Variants in PLAGL1 observed in about 807,000 individuals in gnomAD.
The protein encoded by PLAGL1 is PLAG1 like zinc finger 1, also known as zinc finger protein PLAGL1.
PLAGL1 carries 1 observed loss-of-function variant against 4.6 expected under a neutral mutation model. The observed-to-expected ratio is 0.22, with a 90% CI of 0.08 to 1.03. PLAGL1 has a LOEUF of 1.03. Among genes scored for constraint, PLAGL1 ranks in the 50% least tolerant of loss-of-function variants. The pLI is 0.58. For missense variants in PLAGL1, 464 were observed against 570.4 expected, an observed-to-expected ratio of 0.81 and a Z score of 1.90; for synonymous variants, 240 against 237.8, an observed-to-expected ratio of 1.01 and a Z score of -0.08.
At position 144,005,383 on chromosome 6, in the gene PLAGL1, A is replaced by T. The variant is rs1283126310; in HGVS notation, c.-584+2707T>A. The stretch of plus-strand genomic sequence containing the variant: ...AAATGACAAATAAACCAGGATTAAC[A>T]GCCTGGAAATAAGCCCAAACATATC... On this transcript the variant is annotated intron_variant, in intron 1 of 7. Coordinates refer to ENST00000674357, the MANE Select transcript of PLAGL1 (RefSeq NM_001317162.2). The surrounding 1 kb of genome is among the most constrained non-coding windows in gnomAD (Gnocchi z 4.6). The T allele has an allele frequency of 6.6e-6, 1 of 152,226 alleles. No homozygotes were observed. Among genetic ancestry groups the T allele is most frequent in the Admixed American group, 6.5e-5 (1 of 15,288 alleles). The allele number at this position is 152,226 out of a possible 1,614,324, so 9.4% of individuals were successfully genotyped here. A position where few individuals can be genotyped will look rare whatever the true frequency, so the allele number is the denominator to read the frequency against.
Position 144,055,754 on chromosome 6 carries a change from G to A in PLAGL1, c.-151+8714C>T, listed in dbSNP as rs1363346445. On this transcript the variant is annotated intron_variant, in intron 1 of 3. Transcript: ENST00000437412. This position sits in a 1 kb window ranked among gnomAD's most constrained non-coding sequence, Gnocchi z 5.0. The stretch of plus-strand genomic sequence containing the variant: ...CATAACTACAGGTGCCTTTAGGAAA[G>A]TGAAAGCTACATTTACATTATTAAC... Among the ~76,000 whole-genome samples, 2 of 152,190 alleles carry A rather than the reference G, an allele frequency of 1.3e-5. No individual in the cohort carries two copies. The highest frequency in any genetic ancestry group is 1.9e-4 in the East Asian group (1 of 5,196).
In PLAGL1 at chr6:143,984,519, G is replaced by A. The variant is rs1788611095; in HGVS notation, c.-544+616C>T. On this transcript the variant is annotated intron_variant, in intron 2 of 7. Coordinates refer to ENST00000674357, the MANE Select transcript of PLAGL1 (RefSeq NM_001317162.2). The surrounding 1 kb of genome is among the most constrained non-coding windows in gnomAD (Gnocchi z 5.5). ...CAAGGTAGGTACTATCGGGAAGACT[G>A]TATTAGAGGTGCGTGTCTTCTTGGT... Among the ~76,000 whole-genome samples the A allele has an allele frequency of 2.0e-5, 3 of 152,040 alleles. No homozygotes were observed. The highest frequency in any genetic ancestry group is 7.2e-5 in the African/African-American group (3 of 41,398).
rs1410272012 is a variant in PLAGL1, at chr6:144,022,900, T to C, written c.-151+41568A>G. Among the ~76,000 whole-genome samples, 1 of 152,236 alleles carries C rather than the reference T, an allele frequency of 6.6e-6. No individual in the cohort carries two copies. Among genetic ancestry groups the C allele is most frequent in the African/African-American group, 2.4e-5 (1 of 41,472 alleles). ...ATCACACTCCTTGGTATTTACCCAA[T>C]TGATTTGAAAACATATCCATACAAA... is the stretch of plus-strand genomic sequence containing the variant. On this transcript the variant is annotated intron_variant, in intron 1 of 3. Coordinates refer to the PLAGL1 transcript ENST00000437412. This position sits in a 1 kb window ranked among gnomAD's most constrained non-coding sequence, Gnocchi z 4.2.
intron 1 of PLAGL1, among the ~76,000 whole-genome samples, chr6:144,054,499 C>T (rs1011670312): frequency 6.6e-6 from 1 of 152,116 alleles, no homozygotes; most frequent in Non-Finnish European, 1.5e-5. Context: ...AACACAGGAG[C>T]AGAAAACCAA....
rs990943802 is a variant in PLAGL1, at chr6:143,961,854, G to C, written c.-398-1312C>G. ...CAATACCAATTTATGTATTCAAAGA[G>C]GCAGGGGTTCTTCTGCTTCCCAGGA... On this transcript the variant is annotated intron_variant, in intron 5 of 7. Transcript: ENST00000674357. This position sits in a 1 kb window ranked among gnomAD's most constrained non-coding sequence, Gnocchi z 6.5. 6.6e-6 allele frequency among the ~76,000 whole-genome samples: 1 copy of C among 152,196 alleles called. No individual in the cohort carries two copies. Among genetic ancestry groups the C allele is most frequent in the Non-Finnish European group, 1.5e-5 (1 of 68,042 alleles).
intron 1 of PLAGL1, among the ~76,000 whole-genome samples, chr6:144,037,951 G>A (rs1446666794): frequency 1.3e-5 from 2 of 152,032 alleles, no homozygotes; most frequent in Non-Finnish European, 2.9e-5. Context: ...GCCAATAAAT[G>A]GTAATACTAA....
chr6:144,029,642 T>C (rs946879672), intron 1 of PLAGL1, among the ~76,000 whole-genome samples: 1 of 152,210 alleles, frequency 6.6e-6, no homozygotes, highest in Non-Finnish European at 1.5e-5. Context: ...TAACACATAC[T>C]ATGCTGTCAA....
At position 144,045,517 on chromosome 6, in the gene PLAGL1, C is replaced by A. The variant is rs542830299; in HGVS notation, c.-151+18951G>T. Reference sequence around the variant, plus strand: ...CTTTGAGAATGTTGAATATTGGCCCCTGCTCTCTTCTGGCTTGTAGAGTTT... The same window carrying A: ...CTTTGAGAATGTTGAATATTGGCCCATGCTCTCTTCTGGCTTGTAGAGTTT... On this transcript the variant is annotated intron_variant, in intron 1 of 3. Coordinates refer to the PLAGL1 transcript ENST00000437412. Among the ~76,000 whole-genome samples the A allele has an allele frequency of 7.9e-4, 120 of 152,314 alleles. 2 individuals carry two copies. The highest frequency in any genetic ancestry group is 2.3e-3 in the East Asian group (12 of 5,192).
intron 1 of PLAGL1, among the ~76,000 whole-genome samples, chr6:143,998,610 C>G (rs1371671313): frequency 6.6e-6 from 1 of 152,066 alleles, no homozygotes; most frequent in Non-Finnish European, 1.5e-5. Flanking sequence ...ATCTAAGAAC[C>G]TGACCATCTG....
intron 1 of PLAGL1, chr6:144,007,678 T>C (rs1794560844): frequency 6.6e-6 from 1 of 152,200 alleles, no homozygotes; most frequent in Non-Finnish European, 1.5e-5. Flanking sequence ...AAAATAATCA[T>C]ATTTTCCATA....
chr6:143,967,997 C>CAAAAAAAA (rs60021436), intron 3 of PLAGL1: 10 of 90,018 alleles, frequency 1.1e-4, no homozygotes, highest in East Asian at 3.1e-4. Context: ...GGACATTTTG[C>CAAAAAAAA]AAAAAAAAAA....
At chr6:144,033,414 G>A (rs887123959) in intron 1 of PLAGL1, among the ~76,000 whole-genome samples, 1 of 152,216 alleles carries the variant, frequency 6.6e-6, no homozygotes, top group Admixed American at 6.5e-5. Context: ...ATCTAAAAAT[G>A]TGGAAAGCCT....
chr6:143,992,670 G>A (rs1790722924), intron 1 of PLAGL1, among the ~76,000 whole-genome samples: 1 of 152,218 alleles, frequency 6.6e-6, no homozygotes, highest in Non-Finnish European at 1.5e-5. Flanking sequence ...TTTACTTGTA[G>A]CTCTAGGAGA....
In PLAGL1 at chr6:143,945,384, T is replaced by C. The variant is rs564263154; in HGVS notation, c.152+2601A>G. On this transcript the variant is annotated intron_variant, in intron 7 of 7. Transcript: ENST00000674357. The surrounding 1 kb of genome is among the most constrained non-coding windows in gnomAD (Gnocchi z 4.2). ...CAAATCATCTTTTCTTGCCTGTTAT[T>C]GTCTCTAACTGGTTTCATTATATGC... is the stretch of plus-strand genomic sequence containing the variant. Among the ~76,000 whole-genome samples, 100 of 152,304 alleles carry C rather than the reference T, an allele frequency of 6.6e-4. 1 individual carries two copies. The highest frequency in any genetic ancestry group is 2.4e-3 in the African/African-American group (99 of 41,548).
chr6:143,991,276 A>G (rs1790419152), intron 1 of PLAGL1, among the ~76,000 whole-genome samples: 1 of 152,218 alleles, frequency 6.6e-6, no homozygotes, highest in Non-Finnish European at 1.5e-5. Context: ...ATGCAGACCA[A>G]CTAAGTTCAA....
chr6:143,987,431 C>T (rs972731122), intron 1 of PLAGL1, among the ~76,000 whole-genome samples: 1 of 108,114 alleles, frequency 9.2e-6, no homozygotes, highest in South Asian at 3.5e-4. Flanking sequence ...TGTGCCACCA[C>T]ACTGGCTTTT....
At chr6:144,041,076 G>A (rs1425681263) in intron 1 of PLAGL1, among the ~76,000 whole-genome samples, 3 of 152,066 alleles carry the variant, frequency 2.0e-5, no homozygotes, top group Admixed American at 1.3e-4. Flanking sequence ...TATGAGCTGA[G>A]GGGTGAAGAC....
At chr6:144,028,881 TTTAAA>T (rs1294495680) in intron 1 of PLAGL1, among the ~76,000 whole-genome samples, 6 of 152,200 alleles carry the variant, frequency 3.9e-5, no homozygotes, top group African/African-American at 1.4e-4. Flanking sequence ...ATAGAAACAT[TTTAAA>T]TAAAATAATA....
intron 1 of PLAGL1, among the ~76,000 whole-genome samples, chr6:144,020,798 A>G (rs1014004313): frequency 2.7e-5 from 4 of 146,456 alleles, no homozygotes; most frequent in Non-Finnish European, 4.5e-5. Flanking sequence ...AAACAAACAT[A>G]TAACTATATA....
Sources: allele counts gnomAD v4.1 joint callset (sites outside exome capture counted in the v4.1 genomes callset), GRCh38; gene constraint gnomAD v4.1.1; non-coding constraint Gnocchi (gnomAD v3.1); transcripts MANE v1.5; gene names NCBI Gene and HGNC (gene_info 2026-07-23, HGNC 2026-07-21).